The following NDRG2 variants were observed in gnomAD, a reference collection of about 807,000 sequenced individuals.
NDRG2 encodes the protein NDRG family member 2.
Under a neutral mutation model 58.2 loss-of-function variants are expected in NDRG2, and 34 were observed. The ratio of observed to expected loss-of-function variants is 0.58; its 90% confidence interval spans 0.44 to 0.78. NDRG2 has a LOEUF of 0.78. Ranked by LOEUF, NDRG2 falls within the 30% of genes least tolerant of loss-of-function variation. The pLI, the probability that NDRG2 is intolerant of heterozygous loss-of-function variation, is 0.00. For synonymous variants in NDRG2, 187 were observed against 175.9 expected (o/e 1.06, Z -0.50); for missense variants, 434 against 471.2 (o/e 0.92, Z 0.73).
At chr14:21,031,939 G>A in intron 1 of NDRG2, 3 of 1,614,190 alleles carry the variant, frequency 1.9e-6, no homozygotes, top group South Asian at 1.1e-5. Flanking sequence ...ACACCAGCAA[G>A]TACACCGGCA....
Position 21,018,832 on chromosome 14 carries a change from G to A in NDRG2, c.762-18C>T. The A allele has an allele frequency of 6.2e-7, 1 of 1,614,088 alleles. No individual in the cohort carries two copies. Among genetic ancestry groups the A allele is most frequent in the Non-Finnish European group, 8.5e-7 (1 of 1,180,008 alleles). On this transcript the variant is annotated intron_variant, in intron 11 of 15. Transcript: ENST00000556147. ...CAGGACACCTAAAGACACAGTGTTG[G>A]GGAGAAGGCAGTGAGCCCCTGGCAC...
chr14:21,057,895 G>A, intron 1 of NDRG2: 1 of 1,613,288 alleles, frequency 6.2e-7, no homozygotes, highest in South Asian at 1.1e-5. Context: ...TAAGAGAGAT[G>A]GCACCGGCCA....
intron 1 of NDRG2, chr14:21,057,883 C>A (rs1449208432): frequency 6.2e-7 from 1 of 1,611,950 alleles, no homozygotes. Context: ...CACTGTCTCC[C>A]TTAAGAGAGA....
Position 21,017,774 on chromosome 14 carries a change from G to A in NDRG2, c.950-12C>T, listed in dbSNP as rs1366548143. 1 of 1,601,564 alleles carries A rather than the reference G, an allele frequency of 6.2e-7. No homozygotes were observed. Among genetic ancestry groups the A allele is most frequent in the Non-Finnish European group, 8.5e-7 (1 of 1,173,486 alleles). On this transcript the variant is annotated splice_polypyrimidine_tract_variant and intron_variant, in intron 15 of 15. Transcript: ENST00000556147. ...GCAGGATGAGGCCACTGTGGAGACA[G>A]CACGATGCACAAGCAGTCAGAGAGG... is the stretch of plus-strand genomic sequence containing the variant.
intron 1 of NDRG2, among the ~76,000 whole-genome samples, chr14:21,064,368 C>G (rs1886138652): frequency 6.6e-6 from 1 of 150,894 alleles, no homozygotes; most frequent in Admixed American, 6.7e-5. Context: ...GTGGCGTGAT[C>G]TTGGCTCACT....
chr14:21,031,957 G>A (rs1394640534), intron 1 of NDRG2: 5 of 1,614,064 alleles, frequency 3.1e-6, no homozygotes, highest in Non-Finnish European at 4.2e-6. Context: ...GCACCCACAA[G>A]GAGCGCTTTG....
At chr14:21,036,077 C>T (rs1884603636) in intron 1 of NDRG2, 1 of 398,682 alleles carries the variant, frequency 2.5e-6, no homozygotes, top group African/African-American at 2.1e-5. Context: ...GTTTTTAGAC[C>T]AGTGCCCGGC....
intron 1 of NDRG2, among the ~76,000 whole-genome samples, chr14:21,046,139 A>T (rs923308097): frequency 1.5e-4 from 23 of 152,372 alleles, no homozygotes; most frequent in African/African-American, 5.5e-4. Flanking sequence ...AATCATAGAT[A>T]GAATTATGAT....
At chr14:21,020,449 C>A (rs370351476) in intron 8 of NDRG2, 47 bp downstream of exon 8, 2 of 1,493,262 alleles carry the variant, frequency 1.3e-6, no homozygotes, top group Middle Eastern at 1.7e-4. Flanking sequence ...TGGATCCATA[C>A]GAGGGGATCC....
intron 1 of NDRG2, among the ~76,000 whole-genome samples, chr14:21,052,187 C>T (rs74036571): frequency 0.015 from 2,334 of 152,306 alleles, 63 homozygotes; most frequent in African/African-American, 0.053. Context: ...GTTCAATGCA[C>T]GGTTACTGAG....
intron 1 of NDRG2, among the ~76,000 whole-genome samples, chr14:21,055,782 T>C (rs79901140): frequency 5.8e-4 from 88 of 152,214 alleles, no homozygotes; most frequent in African/African-American, 2.0e-3. Flanking sequence ...GAATAATCAC[T>C]TGGTAACCCT....
chr14:21,059,203 G>A (rs1018548216), intron 1 of NDRG2, among the ~76,000 whole-genome samples: 1 of 152,210 alleles, frequency 6.6e-6, no homozygotes, highest in African/African-American at 2.4e-5. Context: ...GACCCTCAGC[G>A]TTCTGGAGTG....
chr14:21,057,618 C>CATATATAT (rs57420807), intron 1 of NDRG2, among the ~76,000 whole-genome samples: 52,237 of 122,544 alleles, frequency 0.43, 13,951 homozygotes, highest in Non-Finnish European at 0.54. Flanking sequence ...TCATTTTATT[C>CATATATAT]ATATATATAT....
rs1419780009 is a variant in NDRG2, at chr14:21,068,092, C to T, written c.24+2736G>A. Among the ~76,000 whole-genome samples, 2 of 44,608 alleles carry T rather than the reference C, an allele frequency of 4.5e-5. 1 individual carries two copies. Among genetic ancestry groups the T allele is most frequent in the Non-Finnish European group, 1.2e-4 (2 of 16,208 alleles). 29.3% of individuals were successfully genotyped at this position (44,608 alleles called of 152,430 possible). ...TCGGCTCACTGCAAGCTCCGCCTCC[C>T]GGGTTCACGCCATTCTCCTGCCTCA... is the stretch of plus-strand genomic sequence containing the variant. On this transcript the variant is annotated intron_variant, in intron 1 of 14. Transcript: ENST00000403829.
At position 21,019,638 on chromosome 14, in the gene NDRG2, CTTG is replaced by C; in HGVS notation, c.714_716del (p.Asn239del). 6.2e-7 allele frequency: 1 copy of C among 1,602,976 alleles called. No individual in the cohort carries two copies. Among genetic ancestry groups the C allele is most frequent in the Non-Finnish European group, 8.5e-7 (1 of 1,170,744 alleles). ...CATGCATACACACACAGCCCACCCA[CTTG>C]TTGTAGCTGTTCCAGTACAATTCAA... On this transcript the variant is annotated inframe_deletion and splice_region_variant, in exon 10 of 16. Transcript: ENST00000556147.
rs1336349999 is a variant in NDRG2 at position 21,018,230 on chromosome 14, A to G, written c.871T>C (p.Ser291Pro). 6.2e-7 allele frequency: 1 copy of G among 1,613,622 alleles called. No homozygotes were observed. The change falls in exon 14 of 16, where the codon TCC becomes CCC. Residue 291 changes from serine to proline, a missense_variant. Physicochemically the swap from Ser to Pro is moderately conservative, Grantham distance 74. Coordinates refer to ENST00000556147, the MANE Select transcript of NDRG2 (RefSeq NM_001320329.2). ...TGAGTCAGCTGGGGCTGACCTCCGG[A>G]GTCAGCCATCTGTTCAGGAGAGCAC... ...TQTSFLKMAD[S>P]GGQPQLTQPG...
intron 1 of NDRG2, chr14:21,058,354 C>T: frequency 6.2e-7 from 1 of 1,601,934 alleles, no homozygotes; most frequent in Non-Finnish European, 8.5e-7. Context: ...ATAAAGTTGT[C>T]TAAGCCCTGG....
chr14:21,031,568 A>G (rs534597165), intron 1 of NDRG2, among the ~76,000 whole-genome samples: 5 of 152,122 alleles, frequency 3.3e-5, no homozygotes, highest in Non-Finnish European at 7.3e-5. Context: ...AGCTCTTTCT[A>G]CAGTGGATAT....
Position 21,018,787 on chromosome 14 carries a change from G to T in NDRG2, c.789C>A (p.Asp263Glu), listed in dbSNP as rs926881305. ...CCACTGCATCTTCATGAGGTGCTTG[G>T]TCTCCTACCACCAGCATCACAGGAC... is the stretch of plus-strand genomic sequence containing the variant. ...LRCPVMLVVG[D>E]QAPHEDAVVE... The change falls in exon 12 of 16, where the codon GAC becomes GAA. Residue 263 changes from aspartate (D) to glutamate (E), a missense_variant. Coordinates refer to ENST00000556147, the MANE Select transcript of NDRG2 (RefSeq NM_001320329.2). 1 of 1,613,984 alleles carries T rather than the reference G, an allele frequency of 6.2e-7. No individual in the cohort carries two copies. Among genetic ancestry groups the T allele is most frequent in the African/African-American group, 1.3e-5 (1 of 74,886 alleles).
Sources: gnomAD v4.1 joint callset for allele counts (sites outside exome capture counted in the v4.1 genomes callset) on GRCh38, gnomAD v4.1.1 for gene constraint, MANE v1.5 for transcripts, NCBI Gene and HGNC (gene_info 2026-07-23, HGNC 2026-07-21) for gene names.